The following YY1 variants were observed in gnomAD, a reference collection of about 807,000 sequenced individuals.
The protein encoded by YY1 is YY1 transcription factor.
Under a neutral mutation model 35.6 loss-of-function variants are expected in YY1, and 2 were observed. The ratio of observed to expected loss-of-function variants is 0.06; its 90% CI spans 0.02 to 0.18. YY1 has a LOEUF of 0.18. YY1 is among the 10% of genes least tolerant of loss of function. YY1 has a pLI of 1.00. For synonymous variants in YY1, 268 were observed against 238.9 expected (o/e 1.12, Z -1.12); for missense variants, 322 against 573.4 (o/e 0.56, Z 4.48).
Position 100,276,332 on chromosome 14 carries a change from T to A in YY1, c.904-158T>A. The A allele has an allele frequency of 1.0e-6, 1 of 984,190 alleles. No homozygotes were observed. The highest frequency in any genetic ancestry group is 1.5e-6 in the Non-Finnish European group (1 of 666,906). The allele number at this position is 984,190 out of a possible 1,614,324, so 61.0% of individuals were successfully genotyped here. A position where few individuals can be genotyped will look rare whatever the true frequency, so the allele number is the denominator to read the frequency against. On this transcript the variant is annotated intron_variant, in intron 3 of 4. Coordinates refer to ENST00000262238, the MANE Select transcript of YY1 (RefSeq NM_003403.5). This position sits in a 1 kb window ranked among gnomAD's most constrained non-coding sequence, Gnocchi z 4.1. ...CTTTTTCAGCTGTCTGCTTTTTGTC[T>A]TAAATGATATTAATGTTCTACCGTA... is the stretch of plus-strand genomic sequence containing the variant.
Position 100,277,633 on chromosome 14 carries a change from A to C in YY1, c.*33A>C. The stretch of plus-strand genomic sequence containing the variant: ...AGAGAAGACCCTTCTCGACCACGGG[A>C]AGCATCTTCCAGAAGTGTGATTGGG... On this transcript the variant is annotated 3_prime_UTR_variant, in exon 5 of 5. Transcript: ENST00000262238. The surrounding 1 kb of genome is among the most constrained non-coding windows in gnomAD (Gnocchi z 5.6). 2 of 1,607,468 alleles carry C rather than the reference A, an allele frequency of 1.2e-6. No homozygotes were observed. Among genetic ancestry groups the C allele is most frequent in the South Asian group, 2.2e-5 (2 of 90,742 alleles).
chr14:100,241,546 T>A (rs1038586869), intron 1 of YY1, among the ~76,000 whole-genome samples: 1 of 152,172 alleles, frequency 6.6e-6, no homozygotes, highest in Non-Finnish European at 1.5e-5. Context: ...CTTGTAGAAT[T>A]CATAGCAGTT....
chr14:100,253,227 A>G (rs1890949975), intron 1 of YY1, among the ~76,000 whole-genome samples: 1 of 152,182 alleles, frequency 6.6e-6, no homozygotes, highest in Admixed American at 6.5e-5. Context: ...CTTCCTGAAC[A>G]TGTTTTACCT....
intron 1 of YY1, among the ~76,000 whole-genome samples, chr14:100,242,462 CACGGCAAGCTCCGCCTCCCGAGTTT>C (rs1890764764): frequency 7.0e-6 from 1 of 142,646 alleles, no homozygotes; most frequent in East Asian, 2.2e-4. Flanking sequence ...GATCTCGGCT[CACGGCAAGCTCCGCCTCCCGAGTTT>C]ACGCCATTCT....
chr14:100,246,987 T>C (rs970612785), intron 1 of YY1, among the ~76,000 whole-genome samples: 1 of 152,206 alleles, frequency 6.6e-6, no homozygotes, highest in African/African-American at 2.4e-5. Context: ...GTTATTAACC[T>C]TGCCTTTTCC....
At chr14:100,265,301 C>G (rs1891136738) in intron 2 of YY1, 1 of 152,064 alleles carries the variant, frequency 6.6e-6, no homozygotes, top group Admixed American at 6.6e-5. Flanking sequence ...TTGCTTGAAC[C>G]CAGGAGGGGG....
chr14:100,248,655 A>T lies in YY1; in HGVS notation c.679+8732A>T, dbSNP rs139117777. Among the ~76,000 whole-genome samples the T allele has an allele frequency of 3.4e-5, 5 of 146,316 alleles. No individual in the cohort carries two copies. In the East Asian group the frequency reaches 9.9e-4, roughly 29 times the overall value. Reference sequence around the variant, plus strand: ...GTAGCTGGGACTAGAGGTGTGTGCCATTCCACCCAGCTTGAGTAAAATTCT... The same window carrying T: ...GTAGCTGGGACTAGAGGTGTGTGCCTTTCCACCCAGCTTGAGTAAAATTCT... On this transcript the variant is annotated intron_variant, in intron 1 of 4. Coordinates refer to ENST00000262238, the MANE Select transcript of YY1 (RefSeq NM_003403.5).
At chr14:100,255,143 C>T (rs187774395) in intron 1 of YY1, among the ~76,000 whole-genome samples, 26 of 151,626 alleles carry the variant, frequency 1.7e-4, no homozygotes, top group Non-Finnish European at 2.9e-4. Flanking sequence ...GTGCAGTGGT[C>T]TTTGGAGAGT....
At position 100,239,654 on chromosome 14, in the gene YY1, C is replaced by T. The variant is rs767071328; in HGVS notation, c.410C>T (p.Ala137Val). ...FEDQILIPVP[A>V]PAGGDDDYIE... ...GATCAGATTCTCATCCCGGTGCCCG[C>T]GCCGGCCGGCGGCGACGACGACTAC... Residue 137 changes from alanine (A) to valine (V), a missense_variant, in exon 1 of 5, where the codon GCG becomes GTG. By Grantham distance (64) the Ala-to-Val change is moderately conservative. Coordinates refer to ENST00000262238, the MANE Select transcript of YY1 (RefSeq NM_003403.5). 1 of 1,609,830 alleles carries T rather than the reference C, an allele frequency of 6.2e-7. No individual in the cohort carries two copies. Among genetic ancestry groups the T allele is most frequent in the African/African-American group, 1.3e-5 (1 of 74,704 alleles).
At chr14:100,261,199 TG>T (rs1164945305) in intron 1 of YY1, among the ~76,000 whole-genome samples, 2 of 152,138 alleles carry the variant, frequency 1.3e-5, no homozygotes, top group Non-Finnish European at 2.9e-5. Context: ...TTTTTTGCTT[TG>T]TTTTTTTGAG....
At chr14:100,258,796 A>G (rs899456811) in intron 1 of YY1, among the ~76,000 whole-genome samples, 11 of 152,266 alleles carry the variant, frequency 7.2e-5, no homozygotes, top group African/African-American at 2.7e-4. Context: ...CCTAGAATGA[A>G]GAGTGGTGGA....
chr14:100,246,224 T>G (rs61992932), intron 1 of YY1, among the ~76,000 whole-genome samples: 1 of 152,138 alleles, frequency 6.6e-6, no homozygotes, highest in African/African-American at 2.4e-5. Flanking sequence ...TTTTGTGAGG[T>G]GAGGCCATCA....
chr14:100,240,335 G>T (rs927559790), intron 1 of YY1, among the ~76,000 whole-genome samples: 1 of 147,572 alleles, frequency 6.8e-6, no homozygotes, highest in Non-Finnish European at 1.5e-5. Flanking sequence ...GGTCGTTGGC[G>T]GGGCTGCGCC....
At chr14:100,246,536 G>A (rs1469919201) in intron 1 of YY1, among the ~76,000 whole-genome samples, 1 of 152,216 alleles carries the variant, frequency 6.6e-6, no homozygotes, top group Non-Finnish European at 1.5e-5. Flanking sequence ...ACTGCTGAAG[G>A]AGAGGCAAAA....
At position 100,276,251 on chromosome 14, in the gene YY1, C is replaced by T. The variant is rs1019752120; in HGVS notation, c.904-239C>T. 1 of 534,118 alleles carries T rather than the reference C, an allele frequency of 1.9e-6. No homozygotes were observed. Among genetic ancestry groups the T allele is most frequent in the African/African-American group, 1.9e-5 (1 of 52,166 alleles). 33.1% of individuals were successfully genotyped at this position (534,118 alleles called of 1,614,324 possible). A position where few individuals can be genotyped will look rare whatever the true frequency, so the allele number is the denominator to read the frequency against. On this transcript the variant is annotated intron_variant, in intron 3 of 4. Coordinates refer to ENST00000262238, the MANE Select transcript of YY1 (RefSeq NM_003403.5). This position sits in a 1 kb window ranked among gnomAD's most constrained non-coding sequence, Gnocchi z 4.1. ...GACCTTGGGCAAGTCTACTTAAAGA[C>T]ATCTCTAAGCCTCAGTTTCCTCATC...
At chr14:100,274,043 C>T (rs1196218033) in intron 2 of YY1, among the ~76,000 whole-genome samples, 1 of 152,148 alleles carries the variant, frequency 6.6e-6, no homozygotes, top group East Asian at 1.9e-4. Flanking sequence ...CCCATCTGTC[C>T]ACCAGGCCCT....
chr14:100,240,939 C>T (rs1255714599), intron 1 of YY1, among the ~76,000 whole-genome samples: 1 of 152,066 alleles, frequency 6.6e-6, no homozygotes, highest in Non-Finnish European at 1.5e-5. Flanking sequence ...TATCTATTTT[C>T]CCCATGAAAA....
At chr14:100,257,510 A>C (rs762262749) in intron 1 of YY1, among the ~76,000 whole-genome samples, 2 of 152,196 alleles carry the variant, frequency 1.3e-5, no homozygotes, top group Non-Finnish European at 2.9e-5. Flanking sequence ...ATTAGAGGGT[A>C]GGTCCTTTGG....
chr14:100,251,060 C>CAA (rs1171103739), intron 1 of YY1, among the ~76,000 whole-genome samples: 1 of 151,954 alleles, frequency 6.6e-6, no homozygotes, highest in Non-Finnish European at 1.5e-5. Context: ...TATTGACTAA[C>CAA]TGGTTGACTG....
Sources: gnomAD v4.1 joint callset for allele counts (sites outside exome capture counted in the v4.1 genomes callset) on GRCh38, gnomAD v4.1.1 for gene constraint, Gnocchi (gnomAD v3.1) non-coding constraint, MANE v1.5 for transcripts, NCBI Gene and HGNC (gene_info 2026-07-23, HGNC 2026-07-21) for gene names.